Variants in RAB27B observed in about 807,000 individuals in gnomAD.
The protein encoded by RAB27B is ras-related protein Rab-27B.
Under a neutral mutation model 24.6 loss-of-function variants are expected in RAB27B, and 15 were observed. The observed-to-expected ratio is 0.61, with a 90% CI of 0.41 to 0.94. The LOEUF is 0.94. Ranked by LOEUF, RAB27B falls within the 40% of genes least tolerant of loss-of-function variation. The pLI, the probability that RAB27B is intolerant of heterozygous loss-of-function variation, is 0.00. For synonymous variants in RAB27B, 105 were observed against 92.5 expected (o/e 1.14, Z -0.78); for missense variants, 261 against 266.8 (o/e 0.98, Z 0.15).
chr18:54,749,942 T>C (rs1481169520), intron 2 of RAB27B, among the ~76,000 whole-genome samples: 1 of 152,220 alleles, frequency 6.6e-6, no homozygotes, highest in East Asian at 1.9e-4. Flanking sequence ...AAATACTGTT[T>C]AGAAATCCAT....
chr18:54,806,782 A>C (rs1267493723), intron 2 of RAB27B, among the ~76,000 whole-genome samples: 4 of 152,132 alleles, frequency 2.6e-5, no homozygotes, highest in Non-Finnish European at 4.4e-5. Context: ...CATTCAAAAA[A>C]AATTGAAGAA....
intron 2 of RAB27B, among the ~76,000 whole-genome samples, chr18:54,775,481 T>A (rs1251894674): frequency 6.6e-6 from 1 of 152,196 alleles, no homozygotes. Flanking sequence ...GGTCATTTCA[T>A]CATGCGGAAA....
intron 2 of RAB27B, among the ~76,000 whole-genome samples, chr18:54,732,890 C>A (rs1363865901): frequency 6.6e-6 from 1 of 152,128 alleles, no homozygotes; most frequent in South Asian, 2.1e-4. Context: ...AACTAAATCC[C>A]TTCCCTTAGA....
At chr18:54,812,733 C>T (rs1226665408) in intron 2 of RAB27B, among the ~76,000 whole-genome samples, 5 of 152,024 alleles carry the variant, frequency 3.3e-5, no homozygotes, top group Admixed American at 2.6e-4. Flanking sequence ...ATTTTTAATA[C>T]TTTATTTCTA....
At chr18:54,766,392 C>T (rs73960612) in intron 2 of RAB27B, among the ~76,000 whole-genome samples, 8,483 of 152,140 alleles carry the variant, frequency 0.056, 305 homozygotes, top group Admixed American at 0.085. Context: ...ATTTGGGAGA[C>T]CTGGGTTTCA....
At chr18:54,724,649 G>A (rs185273070) in intron 2 of RAB27B, among the ~76,000 whole-genome samples, 9 of 150,456 alleles carry the variant, frequency 6.0e-5, no homozygotes, top group East Asian at 5.9e-4. Flanking sequence ...GCAGTGAGCC[G>A]AGATCACACC....
chr18:54,772,964 A>G lies in RAB27B; in HGVS notation c.-20+54823A>G, dbSNP rs151146562. On this transcript the variant is annotated intron_variant, in intron 2 of 4. Coordinates refer to the RAB27B transcript ENST00000586570. ...TCGGTGCTCCTTTCACACATTTCTT[A>G]CTCCATGACTGTGTTTACATGCACT... Among the ~76,000 whole-genome samples the G allele has an allele frequency of 1.8e-3, 280 of 151,816 alleles. 1 individual carries two copies. The highest frequency in any genetic ancestry group is 6.3e-3 in the African/African-American group (259 of 41,352).
chr18:54,823,431 A>G (rs903771854), intron 2 of RAB27B, among the ~76,000 whole-genome samples: 4 of 151,300 alleles, frequency 2.6e-5, no homozygotes, highest in African/African-American at 7.3e-5. Flanking sequence ...TCAAGTCAAG[A>G]GAAATTTTTA....
chr18:54,745,200 G>C, intron 2 of RAB27B: 1 of 176,378 alleles, frequency 5.7e-6, no homozygotes, highest in Non-Finnish European at 1.2e-5. Flanking sequence ...CCTCTTTGCT[G>C]TGTGGACATT....
chr18:54,776,862 C>T (rs978033440), intron 2 of RAB27B, among the ~76,000 whole-genome samples: 2 of 151,896 alleles, frequency 1.3e-5, no homozygotes, highest in South Asian at 2.1e-4. Flanking sequence ...CTGGACAACA[C>T]GGCGAAACAC....
chr18:54,736,933 G>A (rs1909915414), intron 2 of RAB27B, among the ~76,000 whole-genome samples: 1 of 152,122 alleles, frequency 6.6e-6, no homozygotes, highest in Non-Finnish European at 1.5e-5. Flanking sequence ...GTAATAATGA[G>A]GAATGGGAAG....
At chr18:54,770,105 A>C (rs1908494952) in intron 2 of RAB27B, among the ~76,000 whole-genome samples, 1 of 152,110 alleles carries the variant, frequency 6.6e-6, no homozygotes. Context: ...TTGGCCTCCC[A>C]AAGTTCTGGA....
intron 2 of RAB27B, among the ~76,000 whole-genome samples, chr18:54,751,777 C>A (rs958965711): frequency 6.6e-6 from 1 of 152,144 alleles, no homozygotes; most frequent in Non-Finnish European, 1.5e-5. Flanking sequence ...AATAAAGAAG[C>A]TCCATAAGAA....
chr18:54,836,026 A>G (rs558113289), intron 1 of RAB27B, among the ~76,000 whole-genome samples: 1 of 152,066 alleles, frequency 6.6e-6, no homozygotes, highest in South Asian at 2.1e-4. Flanking sequence ...TATTTAGATA[A>G]AGGTGAGGAG....
chr18:54,825,539 C>T (rs928230671), upstream of RAB27B, among the ~76,000 whole-genome samples: 1 of 152,096 alleles, frequency 6.6e-6, no homozygotes, highest in Non-Finnish European at 1.5e-5. Context: ...TCTTCTAACC[C>T]ATCTGTCAGT....
At chr18:54,887,865 CT>C in intron 4 of RAB27B, 129 bp from the exon 5 acceptor site, 1 of 1,031,868 alleles carries the variant, frequency 9.7e-7, no homozygotes, top group East Asian at 2.5e-5. Context: ...GAGGAAGTAA[CT>C]TGGCCAATAT....
chr18:54,747,637 A>G (rs1349400505), intron 2 of RAB27B, among the ~76,000 whole-genome samples: 3 of 152,208 alleles, frequency 2.0e-5, no homozygotes, highest in Non-Finnish European at 4.4e-5. Context: ...GCCCACCTGC[A>G]TGTATATGAG....
chr18:54,823,029 A>C (rs186377738), intron 2 of RAB27B, among the ~76,000 whole-genome samples: 102 of 152,378 alleles, frequency 6.7e-4, no homozygotes, highest in Middle Eastern at 3.4e-3. Flanking sequence ...GAAGGTTAAG[A>C]CCTCACCACA....
At chr18:54,809,168 C>T (rs1418786021) in intron 2 of RAB27B, among the ~76,000 whole-genome samples, 1 of 152,174 alleles carries the variant, frequency 6.6e-6, no homozygotes, top group Non-Finnish European at 1.5e-5. Flanking sequence ...CCCACCTTGC[C>T]TCAGGGAATA....
Sources: gnomAD v4.1 joint callset for allele counts (sites outside exome capture counted in the v4.1 genomes callset) on GRCh38, gnomAD v4.1.1 for gene constraint, MANE v1.5 for transcripts, NCBI Gene and HGNC (gene_info 2026-07-23, HGNC 2026-07-21) for gene names.